The following SUCLG2 variants were observed in gnomAD, a reference collection of about 807,000 sequenced individuals.
The protein encoded by SUCLG2 is succinate-CoA ligase GDP-forming subunit beta, also known as succinate--CoA ligase [GDP-forming] subunit beta, mitochondrial.
A neutral mutation model predicts 47.9 loss-of-function variants in SUCLG2; 42 were observed. That is an observed-to-expected ratio of 0.88 (90% CI 0.69 to 1.14). The LOEUF (loss-of-function observed/expected upper bound fraction) is 1.14. Among genes scored for constraint, SUCLG2 ranks in the 50% most tolerant of loss-of-function variants. SUCLG2 has a pLI of 0.00. For synonymous variants in SUCLG2, 195 were observed against 197.3 expected (o/e 0.99, Z 0.10); for missense variants, 571 against 525.9 (o/e 1.09, Z -0.84).
chr3:67,579,338 T>A (rs1323814755), intron 2 of SUCLG2, among the ~76,000 whole-genome samples: 1 of 152,166 alleles, frequency 6.6e-6, no homozygotes, highest in African/African-American at 2.4e-5. Context: ...TCTCTACACA[T>A]AATTTAATTA....
intron 9 of SUCLG2, among the ~76,000 whole-genome samples, chr3:67,469,514 G>A (rs1480344444): frequency 6.6e-6 from 1 of 151,946 alleles, no homozygotes; most frequent in Non-Finnish European, 1.5e-5. Flanking sequence ...TGGATCACGA[G>A]GTCAGGAGTT....
At chr3:67,528,693 T>C (rs1221727972) in intron 3 of SUCLG2, among the ~76,000 whole-genome samples, 2 of 151,956 alleles carry the variant, frequency 1.3e-5, no homozygotes, top group African/African-American at 4.8e-5. Context: ...AAAGACAGGC[T>C]CAAATAAAGG....
At chr3:67,468,938 G>A (rs982237840) in intron 9 of SUCLG2, among the ~76,000 whole-genome samples, 3 of 152,214 alleles carry the variant, frequency 2.0e-5, no homozygotes, top group Non-Finnish European at 4.4e-5. Context: ...ACATGCCCCT[G>A]CCTTCAATCA....
At chr3:67,394,853 G>A (rs1447680747) in intron 10 of SUCLG2, among the ~76,000 whole-genome samples, 2 of 152,040 alleles carry the variant, frequency 1.3e-5, no homozygotes, top group African/African-American at 2.4e-5. Flanking sequence ...CCAGAAGAGA[G>A]TGGGGGCCAA....
intron 9 of SUCLG2, among the ~76,000 whole-genome samples, chr3:67,423,410 C>A (rs1372590310): frequency 6.6e-6 from 1 of 152,118 alleles, no homozygotes; most frequent in Non-Finnish European, 1.5e-5. Context: ...GACTAATACA[C>A]CTAGGAATAA....
downstream of SUCLG2, among the ~76,000 whole-genome samples, chr3:67,371,573 C>T (rs9850038): frequency 6.6e-6 from 1 of 152,052 alleles, no homozygotes; most frequent in East Asian, 1.9e-4. Context: ...GTGCAAGTCC[C>T]GGAGGTGCCA....
At chr3:67,401,667 A>G (rs984392144) in intron 9 of SUCLG2, among the ~76,000 whole-genome samples, 3 of 152,124 alleles carry the variant, frequency 2.0e-5, no homozygotes, top group African/African-American at 7.2e-5. Flanking sequence ...CGAGATAATG[A>G]AGAGAATTCA....
At chr3:67,375,938 C>G (rs79763439) in intron 10 of SUCLG2, 79 bp from the exon 11 acceptor site, 18,068 of 1,542,688 alleles carry the variant, frequency 0.012, 138 homozygotes, top group Non-Finnish European at 0.014. Context: ...ACACACAAGA[C>G]TCACCTGTCT....
intron 2 of SUCLG2, among the ~76,000 whole-genome samples, chr3:67,583,095 C>A (rs115254170): frequency 0.024 from 3,649 of 152,266 alleles, 67 homozygotes; most frequent in Middle Eastern, 0.051. Flanking sequence ...ACCTCCCTCT[C>A]CTCTGATGCC....
At chr3:67,384,041 T>C (rs1702212375) in intron 10 of SUCLG2, among the ~76,000 whole-genome samples, 1 of 152,230 alleles carries the variant, frequency 6.6e-6, no homozygotes, top group African/African-American at 2.4e-5. Flanking sequence ...ATTTTAACAG[T>C]GTGAGACTTT....
intron 9 of SUCLG2, among the ~76,000 whole-genome samples, chr3:67,418,781 A>G (rs1169860643): frequency 6.6e-6 from 1 of 152,148 alleles, no homozygotes; most frequent in Non-Finnish European, 1.5e-5. Context: ...CTGCCTCTGT[A>G]GAGGTGGGGC....
intron 1 of SUCLG2, among the ~76,000 whole-genome samples, chr3:67,624,154 T>A (rs1038910995): frequency 1.3e-5 from 2 of 152,256 alleles, no homozygotes; most frequent in Admixed American, 1.3e-4. Context: ...ATTTACCTGA[T>A]AGCAAGAGAC....
At chr3:67,608,397 G>A (rs747331401) in intron 2 of SUCLG2, among the ~76,000 whole-genome samples, 7 of 152,130 alleles carry the variant, frequency 4.6e-5, no homozygotes, top group African/African-American at 1.2e-4. Flanking sequence ...AAAGAATAAA[G>A]TTTTCCTAAA....
chr3:67,565,972 T>C lies in SUCLG2; in HGVS notation c.227-36786A>G, dbSNP rs79250031. On this transcript the variant is annotated intron_variant, in intron 2 of 10. Coordinates refer to ENST00000307227, the MANE Select transcript of SUCLG2 (RefSeq NM_003848.4). ...CTATCTGAAAATCATTCCTTCCTTT[T>C]GTTATATTTGATTTACTGAGGCACA... Among the ~76,000 whole-genome samples the C allele has an allele frequency of 2.9e-3, 435 of 152,264 alleles. 5 individuals carry two copies. Among genetic ancestry groups the C allele is most frequent in the African/African-American group, 0.01 (417 of 41,544 alleles).
intron 10 of SUCLG2, 91 bp from the exon 11 acceptor site, chr3:67,375,950 C>T (rs1243110034): frequency 4.0e-6 from 6 of 1,489,120 alleles, no homozygotes; most frequent in Non-Finnish European, 5.4e-6. Context: ...CACCTGTCTA[C>T]AGCTTTTCAC....
At chr3:67,520,991 AC>A (rs978034616) in intron 4 of SUCLG2, among the ~76,000 whole-genome samples, 3 of 152,126 alleles carry the variant, frequency 2.0e-5, no homozygotes, top group African/African-American at 7.2e-5. Context: ...CATATATATT[AC>A]TACACTGACT....
At chr3:67,548,206 T>G (rs2107188892) in intron 2 of SUCLG2, among the ~76,000 whole-genome samples, 1 of 152,360 alleles carries the variant, frequency 6.6e-6, no homozygotes, top group South Asian at 2.1e-4. Context: ...GTTGAGATTT[T>G]TAAGCCAGAA....
chr3:67,536,905 A>G (rs1277631694), intron 2 of SUCLG2, among the ~76,000 whole-genome samples: 2 of 152,212 alleles, frequency 1.3e-5, no homozygotes, highest in Non-Finnish European at 2.9e-5. Flanking sequence ...TTTTCATTGC[A>G]ATGTAGTTAT....
chr3:67,598,125 C>T (rs566044569), intron 2 of SUCLG2, among the ~76,000 whole-genome samples: 19 of 152,048 alleles, frequency 1.2e-4, no homozygotes, highest in Non-Finnish European at 2.5e-4. Flanking sequence ...GGACTACAGG[C>T]GCATGCCGCC....
Sources: gnomAD v4.1 joint callset for allele counts (sites outside exome capture counted in the v4.1 genomes callset) on GRCh38, gnomAD v4.1.1 for gene constraint, MANE v1.5 for transcripts, NCBI Gene and HGNC (gene_info 2026-07-23, HGNC 2026-07-21) for gene names.